The following EDIL3 variants were observed in gnomAD, a reference collection of about 807,000 sequenced individuals.
EDIL3 encodes the protein EGF-like repeat and discoidin I-like domain-containing protein 3.
EDIL3 carries 37 observed loss-of-function variants against 67.4 expected under a neutral mutation model. The observed-to-expected ratio is 0.55, with a 90% CI of 0.42 to 0.72. EDIL3 has a LOEUF of 0.72. EDIL3 is among the 30% of genes least tolerant of loss of function. The pLI, the probability that EDIL3 is intolerant of heterozygous loss-of-function variation, is 0.00. For synonymous variants in EDIL3, 195 were observed against 196.3 expected (o/e 0.99, Z 0.05); for missense variants, 527 against 586.3 (o/e 0.90, Z 1.04).
chr5:84,036,456 CA>C (rs1189291757), intron 9 of EDIL3, among the ~76,000 whole-genome samples: 2 of 152,178 alleles, frequency 1.3e-5, no homozygotes, highest in Non-Finnish European at 2.9e-5. Flanking sequence ...CCAGAAAAGA[CA>C]GATCTTTTGC....
At chr5:84,200,059 T>C (rs917092106) in intron 3 of EDIL3, among the ~76,000 whole-genome samples, 2 of 152,088 alleles carry the variant, frequency 1.3e-5, no homozygotes, top group Non-Finnish European at 2.9e-5. Context: ...ACCCAGGTGA[T>C]TGCAATCAGA....
intron 1 of EDIL3, among the ~76,000 whole-genome samples, chr5:84,325,376 T>C (rs562722269): frequency 1.3e-5 from 2 of 151,790 alleles, no homozygotes; most frequent in African/African-American, 4.8e-5. Flanking sequence ...AACAAACACA[T>C]GAAACAATGC....
chr5:84,312,463 A>G (rs1208469863), intron 1 of EDIL3, among the ~76,000 whole-genome samples: 2 of 139,732 alleles, frequency 1.4e-5, no homozygotes, highest in Non-Finnish European at 3.1e-5. Context: ...GCGGCCGGGC[A>G]GAGGCGCTCC....
In EDIL3 at chr5:84,060,382, T is replaced by G. The variant is rs748219209; in HGVS notation, c.1055A>C (p.Glu352Ala). 6.2e-7 allele frequency: 1 copy of G among 1,613,790 alleles called. No individual in the cohort carries two copies. Among genetic ancestry groups the G allele is most frequent in the Non-Finnish European group, 8.5e-7 (1 of 1,179,828 alleles). The change falls in exon 9 of 11, where the codon GAA (glutamate) becomes GCA (alanine). Residue 352 changes from glutamate to alanine, a missense_variant. Around this residue, in one of 2 missense-constraint regions of EDIL3, gnomAD observed 494 missense variants for 522.5 expected, o/e 0.95. Transcript: ENST00000296591. ...CTTGTCCAGCCGAGCTTTCCTTGGT[T>G]CCCAAGTGAACATGTCCATGTTGAG... is the stretch of plus-strand genomic sequence containing the variant. The part of the protein sequence containing the change: ...RTLNMDMFTW[E>A]PRKARLDKQG...
At chr5:84,374,755 G>T (rs1041607561) in intron 1 of EDIL3, among the ~76,000 whole-genome samples, 4 of 152,110 alleles carry the variant, frequency 2.6e-5, no homozygotes, top group Non-Finnish European at 5.9e-5. Flanking sequence ...TTCTTGAATA[G>T]TGAGTAAGTT....
intron 9 of EDIL3, among the ~76,000 whole-genome samples, chr5:83,965,377 T>G (rs1290002177): frequency 6.6e-6 from 1 of 152,058 alleles, no homozygotes; most frequent in Non-Finnish European, 1.5e-5. Context: ...TTGTCCTAAA[T>G]CCAAACCTAA....
chr5:84,229,974 T>C, intron 2 of EDIL3, 90 bp from the exon 3 acceptor site: 2 of 1,218,306 alleles, frequency 1.6e-6, no homozygotes, highest in South Asian at 1.4e-5. Context: ...AAAAGAGATA[T>C]TGAGATTGAA....
chr5:84,206,759 T>C (rs999552263), intron 3 of EDIL3, among the ~76,000 whole-genome samples: 4 of 151,986 alleles, frequency 2.6e-5, no homozygotes, highest in African/African-American at 7.2e-5. Context: ...AATCAATAAA[T>C]GTAATCCAGC....
At chr5:84,376,365 C>T (rs1166890620) in intron 1 of EDIL3, among the ~76,000 whole-genome samples, 2 of 152,016 alleles carry the variant, frequency 1.3e-5, no homozygotes, top group African/African-American at 4.8e-5. Context: ...CAAAATGATG[C>T]CTGAAAAATT....
At chr5:84,214,723 G>GT (rs1015168791) in intron 3 of EDIL3, among the ~76,000 whole-genome samples, 1,634 of 143,002 alleles carry the variant, frequency 0.011, 20 homozygotes, top group African/African-American at 0.027. Flanking sequence ...AGTGTGGTTT[G>GT]TTTTTTTTTT....
Position 84,116,636 on chromosome 5 carries a change from C to A in EDIL3, c.470-9806G>T, listed in dbSNP as rs180806779. Among the ~76,000 whole-genome samples the A allele has an allele frequency of 3.6e-3, 546 of 152,204 alleles. 7 individuals carry two copies. Among genetic ancestry groups the A allele is most frequent in the South Asian group, 0.028 (133 of 4,818 alleles). On this transcript the variant is annotated intron_variant, in intron 5 of 10. Coordinates refer to ENST00000296591, the MANE Select transcript of EDIL3 (RefSeq NM_005711.5). ...TGATAATATGTATTTACTAATTGAA[C>A]CTTCCTACAAATAAAATTGCCACAA...
At chr5:83,979,927 C>G (rs1226804949) in intron 9 of EDIL3, among the ~76,000 whole-genome samples, 2 of 152,074 alleles carry the variant, frequency 1.3e-5, no homozygotes, top group Non-Finnish European at 2.9e-5. Flanking sequence ...CCGGGTAACA[C>G]AGCTCAGAAA....
intron 1 of EDIL3, among the ~76,000 whole-genome samples, chr5:84,327,804 A>G (rs1746794105): frequency 6.6e-6 from 1 of 151,962 alleles, no homozygotes; most frequent in African/African-American, 2.4e-5. Flanking sequence ...TGATTAGGAA[A>G]TCCCAGGGAG....
chr5:83,960,497 A>G (rs1022480794), intron 10 of EDIL3, among the ~76,000 whole-genome samples: 5 of 150,992 alleles, frequency 3.3e-5, no homozygotes, highest in African/African-American at 1.2e-4. Flanking sequence ...CATATGTAGC[A>G]CCCCAAATAT....
rs143399052 is a variant in EDIL3 at position 84,178,590 on chromosome 5, G to A, written c.355+1803C>T. Among the ~76,000 whole-genome samples, 326 of 152,208 alleles carry A rather than the reference G, an allele frequency of 2.1e-3. 2 individuals are homozygous for A. Among genetic ancestry groups the A allele is most frequent in the African/African-American group, 7.3e-3 (304 of 41,534 alleles). ...TATTCATAATACTCATGGCTTATAT[G>A]AACCAAAGACCATCTATTTCCAGTT... On this transcript the variant is annotated intron_variant, in intron 4 of 10. Transcript: ENST00000296591.
chr5:84,055,088 A>G (rs1239029161), intron 9 of EDIL3, among the ~76,000 whole-genome samples: 1 of 146,460 alleles, frequency 6.8e-6, no homozygotes, highest in Non-Finnish European at 1.5e-5. Context: ...CCAAAACAGC[A>G]TGGTACTGGT....
chr5:84,151,217 C>A (rs1404427310), intron 4 of EDIL3, among the ~76,000 whole-genome samples: 1 of 151,640 alleles, frequency 6.6e-6, no homozygotes, highest in African/African-American at 2.4e-5. Context: ...TTATAATCCA[C>A]ATATTTTTTG....
chr5:84,086,207 G>A (rs114670702), intron 6 of EDIL3, among the ~76,000 whole-genome samples: 1 of 152,058 alleles, frequency 6.6e-6, no homozygotes, highest in Non-Finnish European at 1.5e-5. Context: ...CACCGCTAGG[G>A]TACAAAAAAG....
chr5:84,076,181 T>C (rs4703982), intron 6 of EDIL3, among the ~76,000 whole-genome samples: 44,203 of 151,758 alleles, frequency 0.29, 6,995 homozygotes, highest in East Asian at 0.43. Context: ...GAAGACAGGT[T>C]CTCATATTTG....
Sources: gnomAD v4.1 joint callset for allele counts (sites outside exome capture counted in the v4.1 genomes callset) on GRCh38, gnomAD v4.1.1 for gene constraint, gnomAD v4.1.1 regional missense constraint, MANE v1.5 for transcripts, NCBI Gene and HGNC (gene_info 2026-07-23, HGNC 2026-07-21) for gene names.